The following LIMCH1 variants were observed in gnomAD, a reference collection of about 807,000 sequenced individuals.
LIMCH1 encodes LIM and calponin homology domains-containing protein 1.
LIMCH1 carries 113 observed loss-of-function variants against 176.5 expected under a neutral mutation model. The ratio of observed to expected loss-of-function variants is 0.64; its 90% CI spans 0.55 to 0.75. LIMCH1 has a LOEUF of 0.75. LIMCH1 is among the 30% of genes least tolerant of loss of function. The pLI is 0.00. For synonymous variants in LIMCH1, 619 were observed against 645.9 expected (o/e 0.96, Z 0.63); for missense variants, 1,674 against 1,814.9 (o/e 0.92, Z 1.41).
At chr4:41,386,738 T>C (rs2056547891) in intron 1 of LIMCH1, among the ~76,000 whole-genome samples, 1 of 152,222 alleles carries the variant, frequency 6.6e-6, no homozygotes, top group Non-Finnish European at 1.5e-5. Context: ...TGGAACATTC[T>C]GGTCTGTAGC....
intron 1 of LIMCH1, among the ~76,000 whole-genome samples, chr4:41,397,819 T>C (rs2057969013): frequency 6.6e-6 from 1 of 152,216 alleles, no homozygotes; most frequent in South Asian, 2.1e-4. Context: ...GACATATGTA[T>C]TGACATTTAT....
intron 2 of LIMCH1, among the ~76,000 whole-genome samples, chr4:41,511,998 A>G (rs2074986081): frequency 1.3e-5 from 2 of 152,218 alleles, no homozygotes; most frequent in Non-Finnish European, 2.9e-5. Context: ...ATATTTGCAA[A>G]TCATATATCT....
chr4:41,577,588 C>G (rs948029621), intron 1 of LIMCH1, among the ~76,000 whole-genome samples: 1 of 152,068 alleles, frequency 6.6e-6, no homozygotes, highest in African/African-American at 2.4e-5. Flanking sequence ...TGCCACCACA[C>G]CCGGCTAGTT....
intron 1 of LIMCH1, chr4:41,494,471 A>G (rs1289768766): frequency 1.1e-5 from 12 of 1,090,248 alleles, no homozygotes; most frequent in South Asian, 2.6e-5. Flanking sequence ...ACACATATAT[A>G]TATGATTGGA....
chr4:41,626,623 A>G, intron 7 of LIMCH1, 85 bp from the exon 8 acceptor site: 1 of 1,108,354 alleles, frequency 9.0e-7, no homozygotes, highest in South Asian at 1.6e-5. Flanking sequence ...CTTTTCACTA[A>G]CAACACAGTT....
At chr4:41,498,520 A>G (rs2072623202) in intron 2 of LIMCH1, among the ~76,000 whole-genome samples, 1 of 152,158 alleles carries the variant, frequency 6.6e-6, no homozygotes, top group Non-Finnish European at 1.5e-5. Context: ...CAGAGGTTAA[A>G]TGCTTAAATG....
chr4:41,636,471 G>C (rs1353766119), intron 13 of LIMCH1, among the ~76,000 whole-genome samples: 1 of 150,328 alleles, frequency 6.7e-6, no homozygotes, highest in African/African-American at 2.5e-5. Context: ...GCTTAAGTTG[G>C]TGCCCTTTTA....
At chr4:41,636,212 A>C (rs1390538343) in intron 13 of LIMCH1, among the ~76,000 whole-genome samples, 2 of 151,662 alleles carry the variant, frequency 1.3e-5, no homozygotes, top group East Asian at 3.9e-4. Context: ...GCCTGGCCTC[A>C]AAATTAAACT....
chr4:41,547,861 GTGTATA>G (rs1314764380), intron 1 of LIMCH1, among the ~76,000 whole-genome samples: 2,348 of 84,864 alleles, frequency 0.028, 73 homozygotes, highest in African/African-American at 0.087. Context: ...ATTTGTGTGT[GTGTATA>G]TATATATATA....
chr4:41,632,241 G>A (rs1304737963), intron 10 of LIMCH1, among the ~76,000 whole-genome samples: 1 of 152,166 alleles, frequency 6.6e-6, no homozygotes, highest in African/African-American at 2.4e-5. Flanking sequence ...TACAGCAGGA[G>A]CAAAGTGAGG....
chr4:41,675,251 A>G (rs1252779780), intron 22 of LIMCH1, among the ~76,000 whole-genome samples: 1 of 152,064 alleles, frequency 6.6e-6, no homozygotes, highest in Admixed American at 6.6e-5. Context: ...CCCACCCGCC[A>G]TGCACCTGAA....
chr4:41,555,653 A>G (rs1275729349), intron 1 of LIMCH1, among the ~76,000 whole-genome samples: 1 of 152,208 alleles, frequency 6.6e-6, no homozygotes, highest in African/African-American at 2.4e-5. Flanking sequence ...AATAATGGTA[A>G]AACAAACAAG....
At chr4:41,396,736 A>T (rs1464876718) in intron 1 of LIMCH1, among the ~76,000 whole-genome samples, 5 of 151,938 alleles carry the variant, frequency 3.3e-5, no homozygotes, top group Admixed American at 2.6e-4. Context: ...CCCTGTCCCT[A>T]CTAAAAATAC....
intron 1 of LIMCH1, among the ~76,000 whole-genome samples, chr4:41,434,857 C>T (rs1267507474): frequency 2.0e-5 from 3 of 152,196 alleles, no homozygotes; most frequent in African/African-American, 7.2e-5. Flanking sequence ...AGTGACTGAG[C>T]ATGGTGTCTA....
intron 10 of LIMCH1, 49 bp from the exon 11 acceptor site, chr4:41,632,700 C>A: frequency 7.0e-7 from 1 of 1,425,940 alleles, no homozygotes; most frequent in Non-Finnish European, 9.5e-7. Flanking sequence ...TCTTTCGTAA[C>A]CCATGTTCCT....
rs62412480 is a variant in LIMCH1, at chr4:41,564,817, C to T, written c.-241+26467C>T. On this transcript the variant is annotated intron_variant, in intron 1 of 31. Coordinates refer to ENST00000503057, the MANE Select transcript of LIMCH1 (RefSeq NM_001330672.2). ...TAATTGAATCGTGGAGGAGGTTTTC[C>T]CTGTGTTGTTCTCGTGATGGTGAGT... 2.6e-3 allele frequency among the ~76,000 whole-genome samples: 401 copies of T among 152,142 alleles called. 2 individuals carry two copies. Among genetic ancestry groups the T allele is most frequent in the Non-Finnish European group, 3.9e-3 (268 of 67,986 alleles).
chr4:41,680,137 C>G (rs1300161176), intron 24 of LIMCH1, 39 bp downstream of exon 24: 1 of 1,368,488 alleles, frequency 7.3e-7, no homozygotes, highest in East Asian at 2.4e-5. Flanking sequence ...CTTGTCATCC[C>G]AATTCCTCAA....
intron 1 of LIMCH1, among the ~76,000 whole-genome samples, chr4:41,555,151 A>G (rs2081065805): frequency 6.6e-6 from 1 of 152,210 alleles, no homozygotes; most frequent in African/African-American, 2.4e-5. Flanking sequence ...ACTGTTCACA[A>G]ATTGCAAAAA....
intron 3 of LIMCH1, among the ~76,000 whole-genome samples, chr4:41,529,945 C>T (rs1045773940): frequency 6.6e-6 from 1 of 152,100 alleles, no homozygotes; most frequent in Non-Finnish European, 1.5e-5. Context: ...CACTCAGAAA[C>T]GCATTTTGGG....
Sources: allele counts gnomAD v4.1 joint callset (sites outside exome capture counted in the v4.1 genomes callset), GRCh38; gene constraint gnomAD v4.1.1; transcripts MANE v1.5; gene names NCBI Gene and HGNC (gene_info 2026-07-23, HGNC 2026-07-21).